SDK1: variants seen among roughly 807,000 people sequenced by gnomAD.
The protein encoded by SDK1 is sidekick cell adhesion molecule 1, also known as protein sidekick-1.
SDK1 carries 157 observed loss-of-function variants against 245.5 expected under a neutral mutation model. The observed-to-expected ratio is 0.64, with a 90% CI of 0.56 to 0.73. SDK1 has a LOEUF of 0.73. Among genes scored for constraint, SDK1 ranks in the 30% least tolerant of loss-of-function variants. SDK1 has a pLI of 0.00. For missense variants in SDK1, 3,583 were observed against 3,002.3 expected (o/e 1.19, Z -4.52); for synonymous variants, 1,647 against 1,278.5 (o/e 1.29, Z -6.15).
chr7:4,211,904 C>T (rs979373411), intron 38 of SDK1, among the ~76,000 whole-genome samples: 18 of 152,172 alleles, frequency 1.2e-4, no homozygotes, highest in Non-Finnish European at 1.8e-4. Context: ...CCACCGTGCC[C>T]GACCCCTGCT....
At chr7:4,243,207 C>T (rs1786638391) in intron 43 of SDK1, among the ~76,000 whole-genome samples, 1 of 152,192 alleles carries the variant, frequency 6.6e-6, no homozygotes. Context: ...AGCCTTGAAG[C>T]ACATTGCCCA....
chr7:3,764,072 G>A (rs979548216), intron 4 of SDK1, among the ~76,000 whole-genome samples: 1 of 152,050 alleles, frequency 6.6e-6, no homozygotes, highest in East Asian at 1.9e-4. Context: ...AACCCTTCAG[G>A]GGACCCTGGG....
chr7:3,595,068 G>A (rs1021138554), intron 1 of SDK1, among the ~76,000 whole-genome samples: 9 of 152,120 alleles, frequency 5.9e-5, no homozygotes, highest in African/African-American at 2.2e-4. Context: ...ACCACAGTGA[G>A]TTCCAATTTG....
At chr7:3,489,992 C>T (rs1253073064) in intron 1 of SDK1, among the ~76,000 whole-genome samples, 2 of 151,994 alleles carry the variant, frequency 1.3e-5, no homozygotes, top group Non-Finnish European at 2.9e-5. Context: ...TTTTTCCCCT[C>T]GTGCTTACTG....
chr7:3,494,640 C>T (rs543725136), intron 1 of SDK1, among the ~76,000 whole-genome samples: 3 of 152,312 alleles, frequency 2.0e-5, no homozygotes, highest in East Asian at 3.9e-4. Context: ...ACCAACCCTT[C>T]CTCATCTCCC....
intron 41 of SDK1, 113 bp from the exon 42 acceptor site, chr7:4,237,534 T>C (rs1279878960): frequency 1.1e-5 from 13 of 1,224,334 alleles, no homozygotes; most frequent in Non-Finnish European, 1.5e-5. Flanking sequence ...TCATCTCACC[T>C]GTAACTGGGA....
intron 19 of SDK1, among the ~76,000 whole-genome samples, chr7:4,067,144 A>G (rs964905813): frequency 6.6e-6 from 1 of 152,172 alleles, no homozygotes; most frequent in Non-Finnish European, 1.5e-5. Flanking sequence ...TTAACAGACT[A>G]AGGTGTCGAG....
intron 14 of SDK1, among the ~76,000 whole-genome samples, chr7:3,997,616 T>A (rs1784777427): frequency 6.6e-6 from 1 of 152,172 alleles, no homozygotes; most frequent in Admixed American, 6.5e-5. Context: ...CTGGTCCTCC[T>A]GTCATCTGCT....
intron 1 of SDK1, among the ~76,000 whole-genome samples, chr7:3,491,673 A>G (rs1163463205): frequency 1.3e-5 from 2 of 152,240 alleles, no homozygotes; most frequent in Admixed American, 6.5e-5. Context: ...CAGTACACAC[A>G]TTCTCAGTTG....
intron 5 of SDK1, among the ~76,000 whole-genome samples, chr7:3,864,423 CCTTTCCTGCCTGACGT>C (rs1486074313): frequency 6.6e-6 from 1 of 152,148 alleles, no homozygotes; most frequent in Non-Finnish European, 1.5e-5. Flanking sequence ...CTGTCCCTTC[CCTTTCCTGCCTGACGT>C]CTCCATCTGT....
intron 1 of SDK1, among the ~76,000 whole-genome samples, chr7:3,373,536 T>C (rs1422635322): frequency 6.6e-6 from 1 of 152,142 alleles, no homozygotes; most frequent in Admixed American, 6.6e-5. Context: ...CAAAGGTGTG[T>C]TGCAAATTAA....
chr7:3,372,511 A>G lies in SDK1; in HGVS notation c.298+70627A>G, dbSNP rs982934319. ...GCCCTATTGCCTCTTACCCTGTGTA[A>G]CTAGGAGGGAGCCCATCTGAGGACA... On this transcript the variant is annotated intron_variant, in intron 1 of 44. Transcript: ENST00000404826. 4.6e-5 allele frequency among the ~76,000 whole-genome samples: 7 copies of G among 152,214 alleles called. No individual in the cohort carries two copies. In the South Asian group the frequency reaches 1.2e-3, roughly 27 times the overall value.
At chr7:3,385,076 T>C (rs1209652336) in intron 1 of SDK1, among the ~76,000 whole-genome samples, 1 of 152,164 alleles carries the variant, frequency 6.6e-6, no homozygotes, top group Non-Finnish European at 1.5e-5. Context: ...TGTTTCAATA[T>C]TAAGTCTGTC....
At chr7:4,248,774 TATACTC>T (rs766649254) in intron 44 of SDK1, among the ~76,000 whole-genome samples, 5 of 152,012 alleles carry the variant, frequency 3.3e-5, no homozygotes, top group African/African-American at 7.3e-5. Context: ...ACATACATCA[TATACTC>T]ATACATATAC....
At chr7:3,353,512 T>G (rs892109625) in intron 1 of SDK1, among the ~76,000 whole-genome samples, 1 of 152,228 alleles carries the variant, frequency 6.6e-6, no homozygotes, top group Non-Finnish European at 1.5e-5. Context: ...GTTCTCTGTT[T>G]ATGCTCTTTG....
intron 38 of SDK1, among the ~76,000 whole-genome samples, chr7:4,217,439 G>C (rs1784881519): frequency 7.9e-6 from 1 of 126,676 alleles, no homozygotes; most frequent in Non-Finnish European, 1.7e-5. Context: ...GCCACTCGGA[G>C]AACCACACCA....
intron 22 of SDK1, 134 bp downstream of exon 22, chr7:4,079,718 C>G (rs754104601): frequency 7.9e-7 from 1 of 1,264,970 alleles, no homozygotes; most frequent in Non-Finnish European, 1.1e-6. Flanking sequence ...GAACCAGGGG[C>G]TGGAGATAGC....
At chr7:3,657,922 T>A (rs1365558404) in intron 4 of SDK1, among the ~76,000 whole-genome samples, 1 of 152,146 alleles carries the variant, frequency 6.6e-6, no homozygotes, top group Non-Finnish European at 1.5e-5. Context: ...AGGTTGGCAT[T>A]TGAATGATAC....
At chr7:4,186,200 C>T (rs1398082789) in intron 35 of SDK1, among the ~76,000 whole-genome samples, 1 of 152,252 alleles carries the variant, frequency 6.6e-6, no homozygotes, top group African/African-American at 2.4e-5. Flanking sequence ...AAAACTGATT[C>T]AGCCCCAGAT....
Sources: gnomAD v4.1 joint callset for allele counts (sites outside exome capture counted in the v4.1 genomes callset) on GRCh38, gnomAD v4.1.1 for gene constraint, MANE v1.5 for transcripts, NCBI Gene and HGNC (gene_info 2026-07-23, HGNC 2026-07-21) for gene names.